Variants in VWDE observed in about 807,000 individuals in gnomAD.
VWDE encodes the protein von Willebrand factor D and EGF domain-containing protein.
VWDE carries 207 observed loss-of-function variants against 178.4 expected under a neutral mutation model. The observed-to-expected ratio is 1.16, with a 90% CI of 1.04 to 1.30. VWDE has a LOEUF of 1.30. Among genes scored for constraint, VWDE ranks in the 50% most tolerant of loss-of-function variants. VWDE has a pLI of 0.00. For synonymous variants in VWDE, 738 were observed against 651.4 expected, an observed-to-expected ratio of 1.13 and a Z score of -2.02; for missense variants, 2,287 against 1,901.3, an observed-to-expected ratio of 1.20 and a Z score of -3.77.
intron 1 of VWDE, among the ~76,000 whole-genome samples, chr7:12,402,739 T>G (rs1200478436): frequency 6.6e-6 from 1 of 152,206 alleles, no homozygotes; most frequent in East Asian, 1.9e-4. Flanking sequence ...GATTTTAGTA[T>G]TTTATTTTTA....
At position 12,358,934 on chromosome 7, in the gene VWDE, T is replaced by TA. The variant is rs535397802; in HGVS notation, c.3274+643dup. Among the ~76,000 whole-genome samples the TA allele has an allele frequency of 3.0e-3, 450 of 152,348 alleles. 7 individuals are homozygous for TA. The highest frequency in any genetic ancestry group is 0.01 in the African/African-American group (430 of 41,584). On this transcript the variant is annotated intron_variant, in intron 16 of 28. Transcript: ENST00000275358. ...GTAATGAAATATGCACATACAATTA[T>TA]AATGATATTACACAGCATTGTATAA...
intron 19 of VWDE, among the ~76,000 whole-genome samples, chr7:12,347,661 T>C (rs1030624204): frequency 9.9e-5 from 15 of 152,222 alleles, no homozygotes; most frequent in African/African-American, 2.9e-4. Flanking sequence ...AGGTAATTTA[T>C]AGATTCAATG....
At chr7:12,382,211 C>G (rs1783887027) in intron 4 of VWDE, among the ~76,000 whole-genome samples, 1 of 151,102 alleles carries the variant, frequency 6.6e-6, no homozygotes, top group African/African-American at 2.4e-5. Flanking sequence ...CATAAATGTT[C>G]TAAAGAGCAT....
intron 1 of VWDE, among the ~76,000 whole-genome samples, chr7:12,397,879 C>T (rs115646656): frequency 0.03 from 4,569 of 151,932 alleles, 241 homozygotes; most frequent in African/African-American, 0.11. Context: ...TACACCAGTC[C>T]GAATCACTAT....
chr7:12,367,436 T>G lies in VWDE; in HGVS notation c.2819A>C (p.Tyr940Ser). The stretch of plus-strand genomic sequence containing the variant: ...AAAAACTCTCACCATCATACAATTA[T>G]ATTTTTGAACATCACAGAATCCAGC... The part of the protein sequence containing the change: ...GNAGFCDVQK[Y>S]NCMMVRVFGK... Residue 940 changes from tyrosine to serine, a missense_variant, in exon 13 of 29, where the codon TAT (tyrosine) becomes TCT (serine). Transcript: ENST00000275358. The G allele has an allele frequency of 6.5e-7, 1 of 1,546,764 alleles. No homozygotes were observed. The highest frequency in any genetic ancestry group is 8.7e-7 in the Non-Finnish European group (1 of 1,144,454).
chr7:12,343,315 T>C, intron 21 of VWDE, 137 bp from the exon 22 acceptor site: 5 of 549,934 alleles, frequency 9.1e-6, no homozygotes, highest in Non-Finnish European at 1.6e-5. Flanking sequence ...CTACAAAACT[T>C]AGTTCTGTGG....
chr7:12,356,223 A>T lies in VWDE; in HGVS notation c.3633T>A (p.His1211Gln). ...VYLCVCLPGFHGSLCEVDISG... is the reference protein window; with the variant it reads ...VYLCVCLPGFQGSLCEVDISG... ...TAATGTCCACTTCACAAAGGCTGCC[A>T]TGGAAGCCAGGCAAGCAGACACACA... Residue 1211 changes from histidine (H) to glutamine (Q), a missense_variant, in exon 18 of 29, where the codon CAT becomes CAA. By Grantham distance (24) the His-to-Gln change is conservative. Coordinates refer to ENST00000275358, the MANE Select transcript of VWDE (RefSeq NM_001135924.3). 1 of 1,551,660 alleles carries T rather than the reference A, an allele frequency of 6.4e-7. No homozygotes were observed. The highest frequency in any genetic ancestry group is 8.7e-7 in the Non-Finnish European group (1 of 1,146,992).
Position 12,337,254 on chromosome 7 carries a change from C to T in VWDE, c.4385G>A (p.Cys1462Tyr). Residue 1462 changes from cysteine to tyrosine, a missense_variant, in exon 25 of 29, where the codon TGT (cysteine) becomes TAT (tyrosine). By Grantham distance (194) the Cys-to-Tyr change is radical. Coordinates refer to ENST00000275358, the MANE Select transcript of VWDE (RefSeq NM_001135924.3). ...HCQNAFCHPP[C>Y]KNGGHCMRNN... ...TCTCATGCAGTGGCCACCATTCTTA[C>T]AGGGAGGGTGACAGAAAGCTAAAAG... The T allele has an allele frequency of 6.4e-7, 1 of 1,551,900 alleles. No individual in the cohort carries two copies. Among genetic ancestry groups the T allele is most frequent in the African/African-American group, 1.4e-5 (1 of 73,162 alleles).
At position 12,375,129 on chromosome 7, in the gene VWDE, C is replaced by G; in HGVS notation, c.1123G>C (p.Val375Leu). ...AAATCTGTGACAGCAGTGTAGTACA[C>G]AAAAGTGTGGCTACAGGTTCCATTA... ...CANGTCSHTF[V>L]YYTAVTDFSR... Residue 375 changes from valine to leucine, a missense_variant, in exon 8 of 29, where the codon GTG becomes CTG. Val to Leu is a conservative substitution (Grantham distance 32, BLOSUM62 1). Coordinates refer to ENST00000275358, the MANE Select transcript of VWDE (RefSeq NM_001135924.3). 6.4e-7 allele frequency: 1 copy of G among 1,551,180 alleles called. No individual in the cohort carries two copies. The highest frequency in any genetic ancestry group is 1.4e-5 in the African/African-American group (1 of 73,124).
In VWDE at chr7:12,338,349, C is replaced by A. The variant is rs190948323; in HGVS notation, c.4367-1077G>T. On this transcript the variant is annotated intron_variant, in intron 24 of 28. Transcript: ENST00000275358. ...TTTTATTGGTAGAGAAATGTTCTTA[C>A]ATTTTCTGCTCCCTATCCTTCATAC... Among the ~76,000 whole-genome samples the A allele has an allele frequency of 8.8e-3, 1,336 of 151,808 alleles. 12 individuals are homozygous for A. Among genetic ancestry groups the A allele is most frequent in the Non-Finnish European group, 0.015 (1,006 of 67,872 alleles).
intron 13 of VWDE, among the ~76,000 whole-genome samples, chr7:12,361,856 A>T (rs7791634): frequency 0.11 from 16,432 of 151,858 alleles, 1,048 homozygotes; most frequent in Non-Finnish European, 0.14. Flanking sequence ...CAGTGGATTG[A>T]TTTTCTGCCC....
intron 13 of VWDE, among the ~76,000 whole-genome samples, chr7:12,365,779 A>G (rs967512324): frequency 8.5e-5 from 13 of 152,164 alleles, no homozygotes; most frequent in Admixed American, 2.6e-4. Context: ...GACTGGCGCT[A>G]GGAGAGACAG....
chr7:12,374,235 T>C (rs1199386017), intron 9 of VWDE, among the ~76,000 whole-genome samples: 1 of 152,114 alleles, frequency 6.6e-6, no homozygotes, highest in Non-Finnish European at 1.5e-5. Flanking sequence ...TATCCAGGTA[T>C]CCATAATAGT....
intron 27 of VWDE, among the ~76,000 whole-genome samples, chr7:12,335,736 T>C (rs1267897614): frequency 6.6e-6 from 1 of 152,216 alleles, no homozygotes; most frequent in Non-Finnish European, 1.5e-5. Flanking sequence ...ATTACAGGCG[T>C]GAGCCACTGC....
intron 18 of VWDE, among the ~76,000 whole-genome samples, chr7:12,352,156 G>A (rs1330040500): frequency 6.6e-6 from 1 of 152,138 alleles, no homozygotes; most frequent in Non-Finnish European, 1.5e-5. Context: ...AGAACTGTGA[G>A]AAAATAAATT....
intron 27 of VWDE, among the ~76,000 whole-genome samples, chr7:12,335,352 G>C (rs1780961760): frequency 6.6e-6 from 1 of 152,068 alleles, no homozygotes; most frequent in Non-Finnish European, 1.5e-5. Flanking sequence ...TTTCATCTAT[G>C]TAGAAATTTA....
In VWDE at chr7:12,380,484, A is replaced by G. The variant is rs1434333896; in HGVS notation, c.789+2T>C. 2 of 1,550,300 alleles carry G rather than the reference A, an allele frequency of 1.3e-6. No individual in the cohort carries two copies. The highest frequency in any genetic ancestry group is 2.4e-5 in the South Asian group (2 of 83,872). On this transcript the variant is annotated splice_donor_variant, in intron 5 of 28. Transcript: ENST00000275358. LOFTEE classifies it high-confidence loss of function. ...ATAAAATGCAACTGTTTTTTAACAT[A>G]CCCTGTCTCCAAGTCTGAGATTTAT...
Position 12,370,699 on chromosome 7 carries a change from C to G in VWDE, c.1753G>C (p.Asp585His). Reference sequence around the variant, plus strand: ...GCAACATAATTGTTAAAATTTTGATCAATTTGCATCCCATTTTTGTCATGG... The same window carrying G: ...GCAACATAATTGTTAAAATTTTGATGAATTTGCATCCCATTTTTGTCATGG... ...DFHDKNGMQIDQNFNNYVAFI... is the reference protein window; with the variant it reads ...DFHDKNGMQIHQNFNNYVAFI... Residue 585 changes from aspartate (D) to histidine (H), a missense_variant, in exon 11 of 29, where the codon GAT becomes CAT. Transcript: ENST00000275358. The G allele has an allele frequency of 1.3e-6, 2 of 1,551,052 alleles. No individual in the cohort carries two copies. Among genetic ancestry groups the G allele is most frequent in the Non-Finnish European group, 1.7e-6 (2 of 1,146,674 alleles).
chr7:12,403,575 G>C (rs1785012728), intron 1 of VWDE, 84 bp downstream of exon 1: 2 of 1,335,026 alleles, frequency 1.5e-6, no homozygotes, highest in Non-Finnish European at 2.0e-6. Context: ...CGCTCCCCAA[G>C]TCGTCCAAAA....
Sources: allele counts gnomAD v4.1 joint callset (sites outside exome capture counted in the v4.1 genomes callset), GRCh38; gene constraint gnomAD v4.1.1; transcripts MANE v1.5; gene names NCBI Gene and HGNC (gene_info 2026-07-23, HGNC 2026-07-21).